The following OR2T6 variants were observed in gnomAD, a reference collection of about 807,000 sequenced individuals.
OR2T6 encodes the protein olfactory receptor family 2 subfamily T member 6.
For missense variants in OR2T6, 424 were observed against 391.6 expected (o/e 1.08, Z -0.70); for synonymous variants, 174 against 148.0 (o/e 1.18, Z -1.27).
At chr1:248,380,429 A>T (rs1303848210) in intron 1 of OR2T6, among the ~76,000 whole-genome samples, 1 of 151,992 alleles carries the variant, frequency 6.6e-6, no homozygotes, top group Admixed American at 6.6e-5. Context: ...TAAAGAATCA[A>T]CTTTAAATAT....
intron 1 of OR2T6, among the ~76,000 whole-genome samples, chr1:248,384,236 C>A (rs1340707307): frequency 1.2e-5 from 1 of 80,088 alleles, no homozygotes. Flanking sequence ...CCTGAGTGTG[C>A]TCATCCTCTC....
At chr1:248,380,045 CTTATAA>C (rs1489656240) in intron 1 of OR2T6, among the ~76,000 whole-genome samples, 1 of 151,684 alleles carries the variant, frequency 6.6e-6, no homozygotes, top group Non-Finnish European at 1.5e-5. Context: ...ATTATATCTA[CTTATAA>C]TTATATATGA....
chr1:248,376,733 GGTTT>G (rs1276409777), intron 1 of OR2T6, among the ~76,000 whole-genome samples: 1 of 152,058 alleles, frequency 6.6e-6, no homozygotes, highest in Non-Finnish European at 1.5e-5. Flanking sequence ...GTGACGGTGA[GGTTT>G]GGGGTGTAAA....
In OR2T6 at chr1:248,384,822, T is replaced by C. The variant is rs377278764; in HGVS notation, c.-47T>C. On this transcript the variant is annotated 5_prime_UTR_variant, in exon 2 of 3. Transcript: ENST00000641644. ...GTGGACAGAATAAATCTTCAGCCCG[T>C]TTTTCCCCTCACCACCTGATCCACT... 18,272 of 152,206 alleles carry C rather than the reference T, an allele frequency of 0.12. 3,322 individuals are homozygous for C. Among genetic ancestry groups the C allele is most frequent in the African/African-American group, 0.4 (16,396 of 41,442 alleles). The allele number at this position is 152,206 out of a possible 1,614,324, so 9.4% of individuals were successfully genotyped here.
chr1:248,386,371 G>T (rs1386357022), intron 2 of OR2T6, among the ~76,000 whole-genome samples: 1 of 152,004 alleles, frequency 6.6e-6, no homozygotes, highest in African/African-American at 2.4e-5. Context: ...CAAGGCTTAC[G>T]ACTGACCAAC....
chr1:248,387,790 T>A lies in OR2T6; in HGVS notation c.182T>A (p.Phe61Tyr). The A allele has an allele frequency of 6.2e-7, 1 of 1,611,114 alleles. No individual in the cohort carries two copies. Among genetic ancestry groups the A allele is most frequent in the South Asian group, 1.1e-5 (1 of 91,018 alleles). ...IDPHLHTPMY[F>Y]LLSHLSVIDT... The stretch of plus-strand genomic sequence containing the variant: ...CCTCATCTCCACACCCCCATGTACT[T>A]CCTCCTCAGCCACCTCTCCGTCATT... Residue 61 changes from phenylalanine to tyrosine, a missense_variant, in exon 3 of 3, where the codon TTC becomes TAC. Transcript: ENST00000641644.
At chr1:248,377,623 A>G (rs1275456252) in intron 1 of OR2T6, among the ~76,000 whole-genome samples, 2 of 152,258 alleles carry the variant, frequency 1.3e-5, no homozygotes, top group Non-Finnish European at 2.9e-5. Flanking sequence ...AGATGTCTTC[A>G]TTAAACTCTG....
chr1:248,381,285 G>GAA (rs34877793), intron 1 of OR2T6, among the ~76,000 whole-genome samples: 13,125 of 148,946 alleles, frequency 0.088, 1,667 homozygotes, highest in African/African-American at 0.29. Context: ...ATAGGCTCCA[G>GAA]AAAAAAAAAA....
chr1:248,381,926 A>C (rs1661040496), intron 1 of OR2T6, among the ~76,000 whole-genome samples: 1 of 152,164 alleles, frequency 6.6e-6, no homozygotes, highest in Admixed American at 6.5e-5. Context: ...AATGTATCTA[A>C]TGATATCGAT....
intron 1 of OR2T6, among the ~76,000 whole-genome samples, chr1:248,382,682 G>A (rs1318431868): frequency 3.3e-5 from 5 of 151,726 alleles, no homozygotes; most frequent in Admixed American, 2.0e-4. Context: ...ACAGGCACCC[G>A]CCATCATGCC....
intron 1 of OR2T6, among the ~76,000 whole-genome samples, chr1:248,379,785 G>C (rs946765962): frequency 2.6e-5 from 4 of 151,934 alleles, no homozygotes; most frequent in Non-Finnish European, 5.9e-5. Context: ...TTCTGAACTA[G>C]GAATTTTGGG....
chr1:248,376,542 A>G (rs780242073), intron 1 of OR2T6, among the ~76,000 whole-genome samples: 20 of 152,210 alleles, frequency 1.3e-4, no homozygotes, highest in Non-Finnish European at 2.5e-4. Flanking sequence ...AATTAAATGG[A>G]GTCACCAGTT....
intron 1 of OR2T6, among the ~76,000 whole-genome samples, chr1:248,378,892 T>C (rs1246635059): frequency 6.6e-6 from 1 of 152,182 alleles, no homozygotes; most frequent in Non-Finnish European, 1.5e-5. Context: ...TTTTTTTGTG[T>C]CTGGGTGCGG....
In OR2T6 at chr1:248,390,836, A is replaced by T. The variant is rs937549297; in HGVS notation, c.*2301A>T. 4 of 152,202 alleles carry T rather than the reference A, an allele frequency of 2.6e-5. No homozygotes were observed. The highest frequency in any genetic ancestry group is 5.9e-5 in the Non-Finnish European group (4 of 68,030). The allele number at this position is 152,202 out of a possible 1,614,324, so 9.4% of individuals were successfully genotyped here. On this transcript the variant is annotated 3_prime_UTR_variant, in exon 3 of 3. Transcript: ENST00000641644. Reference sequence around the variant, plus strand: ...CATGTGAATTTCTGTCAATCATACAATGCTTCTGAGGACCAACTTTCTTTT... The same window carrying T: ...CATGTGAATTTCTGTCAATCATACATTGCTTCTGAGGACCAACTTTCTTTT...
Position 248,384,746 on chromosome 1 carries a change from G to A in OR2T6, c.-123G>A, listed in dbSNP as rs76569234. On this transcript the variant is annotated 5_prime_UTR_variant, in exon 2 of 3. Coordinates refer to ENST00000641644, the MANE Select transcript of OR2T6 (RefSeq NM_001005471.2). The stretch of plus-strand genomic sequence containing the variant: ...TTCATCAGGTCCTCACGAGGAGCTC[G>A]TTAGATGAGATGCTACCCATTAGAT... 12,538 of 135,112 alleles carry A rather than the reference G, an allele frequency of 0.093. 1,973 individuals are homozygous for A. Among genetic ancestry groups the A allele is most frequent in the East Asian group, 0.37 (1,447 of 3,932 alleles). 8.4% of individuals were successfully genotyped at this position (135,112 alleles called of 1,614,324 possible). A position where few individuals can be genotyped will look rare whatever the true frequency, so the allele number is the denominator to read the frequency against.
intron 1 of OR2T6, among the ~76,000 whole-genome samples, chr1:248,378,053 G>T (rs1660967953): frequency 6.6e-6 from 1 of 152,040 alleles, no homozygotes; most frequent in Admixed American, 6.6e-5. Context: ...CATTAAGATT[G>T]TTTCTAGTTT....
Position 248,387,527 on chromosome 1 carries a change from C to T in OR2T6, c.-4-78C>T, listed in dbSNP as rs1661153795. Reference sequence around the variant, plus strand: ...AGATTTTAATCTAATAATGTTTACACAGACATGTTTAAGTGATTTATCTTT... The same window carrying T: ...AGATTTTAATCTAATAATGTTTACATAGACATGTTTAAGTGATTTATCTTT... On this transcript the variant is annotated intron_variant, in intron 2 of 2. Coordinates refer to ENST00000641644, the MANE Select transcript of OR2T6 (RefSeq NM_001005471.2). The T allele has an allele frequency of 5.6e-6, 5 of 893,490 alleles. No homozygotes were observed. In the South Asian group the frequency reaches 1.2e-4, roughly 22 times the overall value. 55.3% of individuals were successfully genotyped at this position (893,490 alleles called of 1,614,324 possible). A position where few individuals can be genotyped will look rare whatever the true frequency, so the allele number is the denominator to read the frequency against.
At chr1:248,377,261 T>C (rs1443615484) in intron 1 of OR2T6, among the ~76,000 whole-genome samples, 1 of 152,262 alleles carries the variant, frequency 6.6e-6, no homozygotes, top group Non-Finnish European at 1.5e-5. Flanking sequence ...GTCTTCAAAG[T>C]TAGCCACTTG....
chr1:248,387,615 G>A lies in OR2T6; in HGVS notation c.7G>A (p.Glu3Lys), dbSNP rs60632569. Residue 3 changes from glutamate to lysine, a missense_variant, in exon 3 of 3, where the codon GAA (glutamate) becomes AAA (lysine). Glu to Lys is a moderately conservative substitution (Grantham distance 56). Transcript: ENST00000641644. ...CCATTTCAAACTCAGTACCATGAATGAAAACAATGAAACCTTGACCAGAGG... is the reference window on the plus strand; with the variant it reads ...CCATTTCAAACTCAGTACCATGAATAAAAACAATGAAACCTTGACCAGAGG... MN[E>K]NNETLTRGFT... 1,666 of 1,571,622 alleles carry A rather than the reference G, an allele frequency of 1.1e-3. 16 individuals are homozygous for A. The African/African-American group carries it at 0.02, about 19-fold the overall frequency.
Sources: gnomAD v4.1 joint callset for allele counts (sites outside exome capture counted in the v4.1 genomes callset) on GRCh38, gnomAD v4.1.1 for gene constraint, MANE v1.5 for transcripts, NCBI Gene and HGNC (gene_info 2026-07-23, HGNC 2026-07-21) for gene names.